ADGRG4: variants seen among roughly 807,000 people sequenced by gnomAD.
ADGRG4 encodes adhesion G protein-coupled receptor G4.
In ADGRG4, 122 loss-of-function variants were observed where a neutral mutation model predicts 126.2. The ratio of observed to expected loss-of-function variants is 0.97; its 90% CI spans 0.83 to 1.12. The LOEUF is 1.12. Among genes scored for constraint, ADGRG4 ranks in the 50% most tolerant of loss-of-function variants. The pLI is 0.00. For synonymous variants in ADGRG4, 943 were observed against 838.7 expected, an observed-to-expected ratio of 1.12 and a Z score of -2.15; for missense variants, 2,481 against 2,251.8, an observed-to-expected ratio of 1.10 and a Z score of -2.06.
Position 136,357,731 on chromosome X carries a change from G to GCTA in ADGRG4, c.6957_6959dup (p.Thr2320dup). On this transcript the variant is annotated inframe_insertion, in exon 10 of 26. Transcript: ENST00000394143. ...GGAACAGAGAGAAGGACAAGAAATG[G>GCTA]CTACAATTTCCTATGTACCATACAG... 8.4e-7 allele frequency: 1 copy of GCTA among 1,186,710 alleles called. No homozygotes were observed.
chrX:136,391,615 G>A (rs1281739758), intron 16 of ADGRG4, among the ~76,000 whole-genome samples: 1 of 112,195 alleles, frequency 8.9e-6, no homozygotes, highest in East Asian at 2.8e-4. Flanking sequence ...CACATAATAA[G>A]TGGCTCACTG....
chrX:136,348,143 A>G lies in ADGRG4; in HGVS notation c.4437A>G (p.Thr1479=), dbSNP rs149471297. ...CTGGACTATATAATGACGGTTTTAC[A>G]GTTCTCTCCGACAGGATCACTACAG... ...STAGLYNDGF[T]VLSDRITTAF... Residue 1479 remains threonine (T), a synonymous_variant, in exon 6 of 26, where the codon ACA becomes ACG. Coordinates refer to ENST00000394143, the MANE Select transcript of ADGRG4 (RefSeq NM_153834.4). 7.0e-4 allele frequency: 850 copies of G among 1,208,304 alleles called. No homozygotes were observed. Among genetic ancestry groups the G allele is most frequent in the Middle Eastern group, 1.2e-3 (5 of 4,342 alleles).
At chrX:136,406,030 T>A (rs1302888037) in intron 23 of ADGRG4, 58 bp downstream of exon 23, 4 of 1,043,013 alleles carry the variant, frequency 3.8e-6, no homozygotes, top group Non-Finnish European at 5.1e-6. Flanking sequence ...AAAGCTTTTG[T>A]TGCTTTGGAA....
rs947421741 is a variant in ADGRG4, at chrX:136,349,283, A to G, written c.5577A>G (p.Gln1859=). ...TPKTSPPPTS[Q]MVEFPVLGTR... is the part of the protein sequence containing the mutation. ...AGACCTCTCCTCCTCCCACATCCCA[A>G]ATGGTTGAATTTCCAGTTCTGGGAA... The change falls in exon 6 of 26, where the codon CAA becomes CAG. Residue 1859 remains glutamine (Q), a synonymous_variant. Coordinates refer to ENST00000394143, the MANE Select transcript of ADGRG4 (RefSeq NM_153834.4). The G allele has an allele frequency of 1.3e-5, 16 of 1,204,652 alleles. No individual in the cohort carries two copies. Among genetic ancestry groups the G allele is most frequent in the Admixed American group, 1.1e-4 (5 of 45,600 alleles).
At chrX:136,383,874 C>CTTTCTTTT (rs1281923352) in intron 15 of ADGRG4, among the ~76,000 whole-genome samples, 1 of 37,363 alleles carries the variant, frequency 2.7e-5, no homozygotes, top group Non-Finnish European at 5.4e-5. Context: ...TTCTTTCTTT[C>CTTTCTTTT]TTCTTTCTTC....
chrX:136,328,460 AAG>A (rs1397707501), intron 5 of ADGRG4, among the ~76,000 whole-genome samples: 3 of 112,226 alleles, frequency 2.7e-5, no homozygotes, highest in Admixed American at 9.4e-5. Flanking sequence ...TATGAAGAAA[AAG>A]AGTCTTCCAA....
intron 13 of ADGRG4, among the ~76,000 whole-genome samples, chrX:136,369,109 C>T (rs1337103638): frequency 8.9e-6 from 1 of 112,495 alleles, no homozygotes; most frequent in Non-Finnish European, 1.9e-5. Flanking sequence ...CAGCTGCTAT[C>T]TGACTTGAAG....
chrX:136,322,197 A>C (rs974437488), intron 4 of ADGRG4, among the ~76,000 whole-genome samples: 2 of 111,614 alleles, frequency 1.8e-5, no homozygotes, highest in African/African-American at 6.5e-5. Context: ...TCCTGAGTAC[A>C]AACAAGTCCC....
intron 5 of ADGRG4, among the ~76,000 whole-genome samples, chrX:136,342,329 T>C (rs1180459724): frequency 8.9e-6 from 1 of 111,928 alleles, no homozygotes; most frequent in Admixed American, 9.5e-5. Flanking sequence ...TCTATTAGCT[T>C]ACAAATAGAT....
rs79221055 is a variant in ADGRG4 at position 136,379,427 on chromosome X, G to A, written c.7776+6363G>A. Among the ~76,000 whole-genome samples, 730 of 108,357 alleles carry A rather than the reference G, an allele frequency of 6.7e-3. 8 individuals carry two copies. Among genetic ancestry groups the A allele is most frequent in the African/African-American group, 0.023 (696 of 29,717 alleles). 94.1% of individuals were successfully genotyped at this position (108,357 alleles called of 115,157 possible). A position where few individuals can be genotyped will look rare whatever the true frequency, so the allele number is the denominator to read the frequency against. On this transcript the variant is annotated intron_variant, in intron 15 of 25. Transcript: ENST00000394143. Reference sequence around the variant, plus strand: ...TATGTTTGTTTTTGTTCTGCTCTCCGTTCCTCTTGCCCCCTGCCCTCTCCT... The same window carrying A: ...TATGTTTGTTTTTGTTCTGCTCTCCATTCCTCTTGCCCCCTGCCCTCTCCT...
chrX:136,315,894 A>T (rs915499472), intron 4 of ADGRG4, among the ~76,000 whole-genome samples: 1 of 111,609 alleles, frequency 9.0e-6, no homozygotes, highest in African/African-American at 3.3e-5. Context: ...AACACCAAAT[A>T]TTGCCAGAAA....
chrX:136,383,813 C>CTTTT (rs1382747820), intron 15 of ADGRG4, among the ~76,000 whole-genome samples: 2 of 59,589 alleles, frequency 3.4e-5, no homozygotes, highest in Non-Finnish European at 6.4e-5. Flanking sequence ...TATATATTTG[C>CTTTT]CTTTCTTTCT....
intron 4 of ADGRG4, among the ~76,000 whole-genome samples, chrX:136,312,605 A>G (rs753366926): frequency 7.2e-5 from 8 of 111,580 alleles, no homozygotes; most frequent in Admixed American, 5.7e-4. Flanking sequence ...CAGCCTGGGC[A>G]ACCGGAGTGA....
At chrX:136,414,634 A>G (rs1603301819) in intron 25 of ADGRG4, among the ~76,000 whole-genome samples, 1 of 112,908 alleles carries the variant, frequency 8.9e-6, no homozygotes, top group African/African-American at 3.2e-5. Flanking sequence ...GTCACAGACC[A>G]TTAAAACCAG....
At chrX:136,306,922 T>A (rs1258855882) in intron 3 of ADGRG4, among the ~76,000 whole-genome samples, 3 of 110,822 alleles carry the variant, frequency 2.7e-5, no homozygotes, top group Non-Finnish European at 5.7e-5. Flanking sequence ...CCATGTTGCC[T>A]AGGCTGGTTT....
At chrX:136,319,644 T>C (rs745662523) in intron 4 of ADGRG4, among the ~76,000 whole-genome samples, 1 of 111,305 alleles carries the variant, frequency 9.0e-6, no homozygotes, top group South Asian at 3.9e-4. Flanking sequence ...TTTCTGCTTA[T>C]GTCTAAGCAG....
chrX:136,403,143 CTTAT>C (rs969265449), intron 21 of ADGRG4, 97 bp from the exon 22 acceptor site: 7 of 586,516 alleles, frequency 1.2e-5, no homozygotes, highest in Non-Finnish European at 1.7e-5. Context: ...ACATCTGTGG[CTTAT>C]TTAAACAGTG....
chrX:136,378,915 C>T (rs770985213), intron 15 of ADGRG4, among the ~76,000 whole-genome samples: 3 of 111,425 alleles, frequency 2.7e-5, no homozygotes, highest in Non-Finnish European at 5.7e-5. Context: ...GTATTTTTGC[C>T]CTTACATTCA....
chrX:136,342,112 G>T (rs1317555573), intron 5 of ADGRG4, among the ~76,000 whole-genome samples: 2 of 111,400 alleles, frequency 1.8e-5, no homozygotes, highest in African/African-American at 6.5e-5. Context: ...TCTGAGTGAG[G>T]CTGCCTTCCC....
Sources: allele counts gnomAD v4.1 joint callset (sites outside exome capture counted in the v4.1 genomes callset), GRCh38; gene constraint gnomAD v4.1.1; transcripts MANE v1.5; gene names NCBI Gene and HGNC (gene_info 2026-07-23, HGNC 2026-07-21).